CROCC: variants seen among roughly 807,000 people sequenced by gnomAD.
CROCC encodes the protein rootletin.
In CROCC, 180 loss-of-function variants were observed where a neutral mutation model predicts 245.2. That is an observed-to-expected ratio of 0.73 (90% CI 0.65 to 0.83). The LOEUF is 0.83. Ranked by LOEUF, CROCC falls within the 40% of genes least tolerant of loss-of-function variation. CROCC has a pLI of 0.00. For synonymous variants in CROCC, 1,205 were observed against 1,241.6 expected, an observed-to-expected ratio of 0.97 and a Z score of 0.62; for missense variants, 2,688 against 2,779.4, an observed-to-expected ratio of 0.97 and a Z score of 0.74.
chr1:16,947,649 C>A (rs1305362958), intron 17 of CROCC, among the ~76,000 whole-genome samples: 6 of 152,190 alleles, frequency 3.9e-5, no homozygotes, highest in African/African-American at 1.4e-4. Context: ...CTGGGAGGGG[C>A]CTCTAGAGGA....
chr1:16,943,236 G>A (rs1230625749), intron 13 of CROCC, among the ~76,000 whole-genome samples: 13 of 141,440 alleles, frequency 9.2e-5, no homozygotes, highest in African/African-American at 2.1e-4. Flanking sequence ...GTGAGATGCC[G>A]TCTAAAAAAA....
At chr1:16,934,086 T>C in intron 8 of CROCC, among the ~76,000 whole-genome samples, 1 of 152,288 alleles carries the variant, frequency 6.6e-6, no homozygotes, top group Non-Finnish European at 1.5e-5. Context: ...ATAAGTAGAA[T>C]GTGTTCTTCC....
intron 13 of CROCC, chr1:16,940,887 G>T: frequency 2.4e-6 from 1 of 424,710 alleles, no homozygotes; most frequent in South Asian, 1.7e-5. Context: ...CCTGGCCTGG[G>T]GAAGGATATG....
At chr1:16,930,397 G>A (rs753332238) in intron 6 of CROCC, 32 bp from the exon 7 acceptor site, 121 of 1,611,066 alleles carry the variant, frequency 7.5e-5, no homozygotes, top group East Asian at 1.8e-4. Context: ...CCCCCTGCGC[G>A]AGCGCCTACT....
chr1:16,953,738 C>T (rs2076202994), intron 21 of CROCC: 1 of 452,524 alleles, frequency 2.2e-6, no homozygotes, highest in Admixed American at 3.7e-5. Context: ...TCCATATTCT[C>T]CCATGCCTCG....
At chr1:16,921,370 C>A (rs1259264048), upstream of CROCC, among the ~76,000 whole-genome samples, 1 of 152,288 alleles carries the variant, frequency 6.6e-6, no homozygotes, top group African/African-American at 2.4e-5. Flanking sequence ...CTAGGTCAGA[C>A]CTAGGAATGC....
chr1:16,932,464 A>G (rs1242972436), intron 8 of CROCC, among the ~76,000 whole-genome samples: 15 of 152,162 alleles, frequency 9.9e-5, no homozygotes, highest in African/African-American at 3.6e-4. Flanking sequence ...AAAATTCTAG[A>G]CTGAGGAAGC....
intron 27 of CROCC, among the ~76,000 whole-genome samples, chr1:16,964,394 C>CT (rs1007796064): frequency 3.5e-5 from 5 of 140,980 alleles, no homozygotes; most frequent in Admixed American, 1.4e-4. Flanking sequence ...CTTCTTTCTT[C>CT]TTTTTTTTGA....
chr1:16,940,224 AT>A, intron 13 of CROCC, 131 bp downstream of exon 13: 1 of 1,025,366 alleles, frequency 9.8e-7, no homozygotes, highest in Non-Finnish European at 1.4e-6. Context: ...ATTAACGTTT[AT>A]TTATTTATTT....
chr1:16,922,995 T>C (rs1425729959), intron 2 of CROCC, among the ~76,000 whole-genome samples, 197 bp downstream of exon 2: 3 of 152,278 alleles, frequency 2.0e-5, no homozygotes, highest in African/African-American at 7.2e-5. Flanking sequence ...TTATTCCGCA[T>C]GTGGTGCAAC....
At chr1:16,922,975 T>A (rs1489026401) in intron 2 of CROCC, among the ~76,000 whole-genome samples, 177 bp downstream of exon 2, 1 of 152,272 alleles carries the variant, frequency 6.6e-6, no homozygotes, top group East Asian at 1.9e-4. Context: ...GGGATGTAAT[T>A]TGTCCAGACT....
chr1:16,970,137 T>G, intron 33 of CROCC, 116 bp from the exon 34 acceptor site: 1 of 1,231,696 alleles, frequency 8.1e-7, no homozygotes, highest in South Asian at 1.6e-5. Context: ...GACAATTCTC[T>G]GATGTGGGCC....
chr1:16,970,614 C>T, intron 34 of CROCC, 22 bp from the exon 35 acceptor site: 2 of 1,516,766 alleles, frequency 1.3e-6, no homozygotes, highest in Non-Finnish European at 1.8e-6. Flanking sequence ...GCACCCTGAT[C>T]TCCTGTGGCT....
At chr1:16,951,279 G>C in intron 20 of CROCC, 157 bp downstream of exon 20, 1 of 610,224 alleles carries the variant, frequency 1.6e-6, no homozygotes, top group Non-Finnish European at 2.5e-6. Flanking sequence ...GGAGGTTGTG[G>C]TTCTTATTAG....
intron 3 of CROCC, among the ~76,000 whole-genome samples, chr1:16,927,763 A>G (rs1367691496): frequency 6.6e-6 from 1 of 152,268 alleles, no homozygotes; most frequent in Non-Finnish European, 1.5e-5. Flanking sequence ...ACCGCTCACC[A>G]TTGACCTCAG....
rs1197079989 is a variant in CROCC, at chr1:16,929,865, T to C, written c.371T>C (p.Leu124Pro). The C allele has an allele frequency of 1.3e-6, 2 of 1,572,946 alleles. No individual in the cohort carries two copies. Among genetic ancestry groups the C allele is most frequent in the Admixed American group, 3.7e-5 (2 of 54,032 alleles). Residue 124 changes from leucine to proline, a missense_variant, in exon 4 of 37, where the codon CTG (leucine) becomes CCG (proline). Transcript: ENST00000375541. ...CTGCAGCTGGAGCAGGCTCTGCGGC[T>C]GGAGCCTGGGGAGCTGGAGACGCAG... ...VSERLEQALRLEPGELETQEP... is the reference protein window; with the variant it reads ...VSERLEQALRPEPGELETQEP...
intron 26 of CROCC, 70 bp from the exon 27 acceptor site, chr1:16,960,688 C>A: frequency 7.1e-7 from 1 of 1,401,218 alleles, no homozygotes; most frequent in South Asian, 1.5e-5. Flanking sequence ...GGGCTCCAGT[C>A]TGGGCCTTAG....
Position 16,966,363 on chromosome 1 carries a change from G to A in CROCC, c.4697-45G>A, listed in dbSNP as rs559228097. 25 of 1,482,848 alleles carry A rather than the reference G, an allele frequency of 1.7e-5. No individual in the cohort carries two copies. Among genetic ancestry groups the A allele is most frequent in the South Asian group, 7.9e-5 (6 of 75,802 alleles). The allele number at this position is 1,482,848 out of a possible 1,614,324, so 91.9% of individuals were successfully genotyped here. ...CATTTTGTGACCTGGTTTGGGTCTC[G>A]GGGCTGTGCTTGGCCATGCCTGACG... On this transcript the variant is annotated intron_variant, in intron 29 of 36. Transcript: ENST00000375541. This position sits in a 1 kb window ranked among gnomAD's most constrained non-coding sequence, Gnocchi z 4.8.
chr1:16,929,757 G>T (rs1262480688), intron 3 of CROCC, 89 bp from the exon 4 acceptor site: 2 of 1,441,512 alleles, frequency 1.4e-6, no homozygotes, highest in Admixed American at 2.8e-5. Context: ...AGGCATTGTG[G>T]GTCTGGGCCC....
Sources: allele counts gnomAD v4.1 joint callset (sites outside exome capture counted in the v4.1 genomes callset), GRCh38; gene constraint gnomAD v4.1.1; non-coding constraint Gnocchi (gnomAD v3.1); transcripts MANE v1.5; gene names NCBI Gene and HGNC (gene_info 2026-07-23, HGNC 2026-07-21).